Variants in FGF2 observed in about 807,000 individuals in gnomAD.
FGF2 encodes basic fibroblast growth factor bFGF.
Under a neutral mutation model 15.9 loss-of-function variants are expected in FGF2, and 13 were observed. The ratio of observed to expected loss-of-function variants is 0.82; its 90% CI spans 0.53 to 1.30. The LOEUF (loss-of-function observed/expected upper bound fraction) is 1.30, where lower values mean the gene tolerates loss of function less well. Ranked by LOEUF, FGF2 falls within the 50% of genes most tolerant of loss-of-function variation. The probability of loss-of-function intolerance (pLI) is 0.00; values close to 1 mark genes in which losing one functional copy is unlikely to be tolerated. For synonymous variants in FGF2, 90 were observed against 78.4 expected (o/e 1.15, Z -0.78); for missense variants, 163 against 196.9 (o/e 0.83, Z 1.03).
intron 1 of FGF2, among the ~76,000 whole-genome samples, chr4:122,869,584 T>G (rs1260101094): frequency 6.6e-6 from 1 of 152,206 alleles, no homozygotes; most frequent in Non-Finnish European, 1.5e-5. Flanking sequence ...AGGTATTTTA[T>G]TCTCTTTGTA....
intron 2 of FGF2, among the ~76,000 whole-genome samples, chr4:122,891,303 G>T (rs1293864264): frequency 1.3e-5 from 2 of 151,896 alleles, no homozygotes; most frequent in African/African-American, 4.8e-5. Flanking sequence ...GCCTCCCAAA[G>T]TGCTAGGATT....
chr4:122,871,550 C>A (rs1726732660), intron 1 of FGF2, among the ~76,000 whole-genome samples: 1 of 151,892 alleles, frequency 6.6e-6, no homozygotes. Flanking sequence ...TTGGGTGAGA[C>A]CCTCTAACAG....
At chr4:122,844,644 T>C (rs938492523) in intron 1 of FGF2, among the ~76,000 whole-genome samples, 6 of 151,154 alleles carry the variant, frequency 4.0e-5, no homozygotes, top group East Asian at 1.9e-4. Flanking sequence ...CCTTTCTTTC[T>C]TTCTTTTTTT....
chr4:122,855,825 C>A (rs1185680847), intron 1 of FGF2, among the ~76,000 whole-genome samples: 1 of 152,182 alleles, frequency 6.6e-6, no homozygotes, highest in Non-Finnish European at 1.5e-5. Flanking sequence ...ATCTGAGGAA[C>A]AATTTTTGTC....
At chr4:122,883,337 C>T (rs1726997163) in intron 2 of FGF2, 1 of 152,050 alleles carries the variant, frequency 6.6e-6, no homozygotes, top group South Asian at 2.1e-4. Context: ...ACCGTTTTTT[C>T]CCCAACACCT....
chr4:122,858,821 T>C (rs1197491862), intron 1 of FGF2, among the ~76,000 whole-genome samples: 1 of 152,222 alleles, frequency 6.6e-6, no homozygotes, highest in Non-Finnish European at 1.5e-5. Flanking sequence ...ACAGTGGTTA[T>C]ACCTTGGAAT....
Position 122,876,379 on chromosome 4 carries a change from T to A in FGF2, c.237T>A (p.Ala79=). 3 of 1,613,640 alleles carry A rather than the reference T, an allele frequency of 1.9e-6. No individual in the cohort carries two copies. Among genetic ancestry groups the A allele is most frequent in the Non-Finnish European group, 2.5e-6 (3 of 1,179,618 alleles). The part of the protein sequence containing the change: ...RGVVSIKGVC[A]NRYLAMKEDG... ...TTGTGTCTATCAAAGGAGTGTGTGC[T>A]AACCGTTACCTGGCTATGAAGGAAG... Residue 79 remains alanine, a synonymous_variant, in exon 2 of 3, where the codon GCT becomes GCA. Transcript: ENST00000644866.
chr4:122,835,534 C>T (rs1725849701), intron 1 of FGF2, among the ~76,000 whole-genome samples: 2 of 152,098 alleles, frequency 1.3e-5, no homozygotes, highest in Non-Finnish European at 2.9e-5. Flanking sequence ...GAACTTAACA[C>T]CATTTTCTCA....
At position 122,895,971 on chromosome 4, in the gene FGF2, C is replaced by T. The variant is rs1428332452; in HGVS notation, c.*3575C>T. On this transcript the variant is annotated 3_prime_UTR_variant, in exon 3 of 3. Coordinates refer to ENST00000644866, the MANE Select transcript of FGF2 (RefSeq NM_001361665.2). ...TTTGTTTTATGTTGAGTTAGAAATG[C>T]CTTCATATAGACATAGTCTTTCAGA... is the stretch of plus-strand genomic sequence containing the variant. 4 of 152,552 alleles carry T rather than the reference C, an allele frequency of 2.6e-5. No individual in the cohort carries two copies. The highest frequency in any genetic ancestry group is 9.7e-5 in the African/African-American group (4 of 41,432). The allele number at this position is 152,552 out of a possible 1,614,324, so 9.4% of individuals were successfully genotyped here.
chr4:122,861,420 A>G (rs1249594138), intron 1 of FGF2, among the ~76,000 whole-genome samples: 1 of 152,026 alleles, frequency 6.6e-6, no homozygotes, highest in African/African-American at 2.4e-5. Flanking sequence ...AACCACCTCC[A>G]AGTTATCCAA....
chr4:122,849,956 T>C (rs1213951976), intron 1 of FGF2, among the ~76,000 whole-genome samples: 1 of 152,170 alleles, frequency 6.6e-6, no homozygotes, highest in Non-Finnish European at 1.5e-5. Context: ...TGTTCAACAA[T>C]GTATGTTCAA....
At chr4:122,885,913 CTTTTTTTTTT>C (rs11310783) in intron 2 of FGF2, among the ~76,000 whole-genome samples, 7 of 84,526 alleles carry the variant, frequency 8.3e-5, no homozygotes, top group Admixed American at 2.7e-4. Flanking sequence ...TTTTTTTTTC[CTTTTTTTTTT>C]TTTTTTTTTT....
rs776193603 is a variant in FGF2 at position 122,826,841 on chromosome 4, C to A, written c.-334C>A. 6.7e-7 allele frequency: 1 copy of A among 1,487,442 alleles called. No individual in the cohort carries two copies. Among genetic ancestry groups the A allele is most frequent in the South Asian group, 1.3e-5 (1 of 77,796 alleles). The allele number at this position is 1,487,442 out of a possible 1,614,324, so 92.1% of individuals were successfully genotyped here. A position where few individuals can be genotyped will look rare whatever the true frequency, so the allele number is the denominator to read the frequency against. The stretch of plus-strand genomic sequence containing the variant: ...CGCGGCCCGGCGGGTGCCAGATTAG[C>A]GGACGCGGTGCCCGCGGTTGCAACG... On this transcript the variant is annotated 5_prime_UTR_variant, in exon 1 of 3. Transcript: ENST00000644866.
chr4:122,889,900 G>A (rs191371767), intron 2 of FGF2: 3 of 152,214 alleles, frequency 2.0e-5, no homozygotes, highest in African/African-American at 7.2e-5. Flanking sequence ...AGCTAGCAAG[G>A]TGGGGCATCC....
At position 122,897,481 on chromosome 4, in the gene FGF2, T is replaced by A. The variant is rs1472186064; in HGVS notation, c.*5085T>A. The A allele has an allele frequency of 1.5e-6, 1 of 673,858 alleles. No homozygotes were observed. The highest frequency in any genetic ancestry group is 2.7e-6 in the Non-Finnish European group (1 of 373,496). The allele number at this position is 673,858 out of a possible 1,614,324, so 41.7% of individuals were successfully genotyped here. On this transcript the variant is annotated 3_prime_UTR_variant, in exon 3 of 3. Transcript: ENST00000644866. ...AAATTATGCTGCTAATTATATCAGC[T>A]CTGAGGTAATTTCTGAAATGTTCAG...
intron 1 of FGF2, among the ~76,000 whole-genome samples, chr4:122,829,973 C>T (rs1725727008): frequency 6.6e-6 from 1 of 152,130 alleles, no homozygotes; most frequent in African/African-American, 2.4e-5. Context: ...GCCACAGTTT[C>T]CTACTACATT....
chr4:122,893,221 G>A lies in FGF2; in HGVS notation c.*825G>A, dbSNP rs1727243302. 1.9e-6 allele frequency: 3 copies of A among 1,590,616 alleles called. No individual in the cohort carries two copies. Among genetic ancestry groups the A allele is most frequent in the Middle Eastern group, 1.7e-4 (1 of 5,934 alleles). ...CTTCAAAAACTTCTCGAACCGCTGT[G>A]TCTCCTACGTAAAAAAAGAGATGTA... On this transcript the variant is annotated 3_prime_UTR_variant, in exon 3 of 3. Coordinates refer to ENST00000644866, the MANE Select transcript of FGF2 (RefSeq NM_001361665.2).
intron 1 of FGF2, among the ~76,000 whole-genome samples, chr4:122,869,126 C>G (rs1303791692): frequency 6.6e-6 from 1 of 151,858 alleles, no homozygotes; most frequent in African/African-American, 2.4e-5. Flanking sequence ...TAATTAGATC[C>G]CATTTGTCAG....
intron 1 of FGF2, among the ~76,000 whole-genome samples, chr4:122,839,424 TTGAG>T (rs1253915672): frequency 6.6e-6 from 1 of 152,194 alleles, no homozygotes; most frequent in Non-Finnish European, 1.5e-5. Context: ...ATTTTCTTCA[TTGAG>T]TGAGATTGTC....
Sources: gnomAD v4.1 joint callset for allele counts (sites outside exome capture counted in the v4.1 genomes callset) on GRCh38, gnomAD v4.1.1 for gene constraint, MANE v1.5 for transcripts, NCBI Gene and HGNC (gene_info 2026-07-23, HGNC 2026-07-21) for gene names.